RHCE: variants seen among roughly 807,000 people sequenced by gnomAD.
RHCE encodes blood group Rh(CE) polypeptide.
A neutral mutation model predicts 43.8 loss-of-function variants in RHCE; 22 were observed. That is an observed-to-expected ratio of 0.50 (90% confidence interval 0.36 to 0.72). RHCE has a LOEUF of 0.72. RHCE is among the 30% of genes least tolerant of loss of function. RHCE has a pLI of 0.00. For missense variants in RHCE, 385 were observed against 525.4 expected (o/e 0.73, Z 2.61); for synonymous variants, 156 against 210.7 (o/e 0.74, Z 2.25).
intron 7 of RHCE, among the ~76,000 whole-genome samples, chr1:25,380,886 A>G (rs1435450905): frequency 3.7e-5 from 5 of 135,566 alleles, no homozygotes; most frequent in African/African-American, 1.4e-4. Flanking sequence ...ATGTGTACTA[A>G]TTTTCTTTCT....
intron 2 of RHCE, among the ~76,000 whole-genome samples, chr1:25,405,165 C>T (rs2124486596): frequency 1.3e-5 from 2 of 152,080 alleles, no homozygotes; most frequent in African/African-American, 4.8e-5. Context: ...TGAGACCAGC[C>T]TGAGCAACAC....
At chr1:25,368,532 CT>C (rs912701255) in intron 9 of RHCE, among the ~76,000 whole-genome samples, 2 of 148,980 alleles carry the variant, frequency 1.3e-5, no homozygotes, top group African/African-American at 2.5e-5. Flanking sequence ...AACCATTTGT[CT>C]TTTTAACTTT....
At chr1:25,369,567 A>G (rs1393367547) in intron 9 of RHCE, among the ~76,000 whole-genome samples, 4 of 151,290 alleles carry the variant, frequency 2.6e-5, no homozygotes, top group Non-Finnish European at 5.9e-5. Context: ...AACAAATGCT[A>G]CAATGTAACA....
intron 1 of RHCE, among the ~76,000 whole-genome samples, chr1:25,418,980 G>C (rs652475): frequency 2.0e-5 from 3 of 152,182 alleles, no homozygotes; most frequent in African/African-American, 7.2e-5. Flanking sequence ...ATGACTCAAC[G>C]CCACTGTAAA....
chr1:25,423,780 A>C (rs2124556319), upstream of RHCE, among the ~76,000 whole-genome samples: 1 of 152,312 alleles, frequency 6.6e-6, no homozygotes, highest in East Asian at 1.9e-4. Flanking sequence ...GTAAAATGTT[A>C]ATTGTTGATT....
chr1:25,389,252 T>C (rs762254440), intron 5 of RHCE, 139 bp from the exon 6 acceptor site: 39 of 1,452,362 alleles, frequency 2.7e-5, no homozygotes, highest in Non-Finnish European at 3.6e-5. Flanking sequence ...ACCTCTCCCC[T>C]GTGTTGGGGC....
chr1:25,398,938 G>C, intron 3 of RHCE: 1 of 1,044,324 alleles, frequency 9.6e-7, no homozygotes, highest in Non-Finnish European at 1.5e-6. Flanking sequence ...AGGGTTGTCA[G>C]TGTTTTGCTC....
intron 1 of RHCE, chr1:25,411,487 G>T (rs1309048815): frequency 1.3e-6 from 2 of 1,535,520 alleles, no homozygotes; most frequent in African/African-American, 2.8e-5. Context: ...GTCTGCCAGA[G>T]AGGACAAGGG....
chr1:25,412,673 C>CTA (rs1647119354), intron 1 of RHCE, among the ~76,000 whole-genome samples: 1 of 138,608 alleles, frequency 7.2e-6, no homozygotes, highest in Admixed American at 7.9e-5. Flanking sequence ...GATCACATCA[C>CTA]TATACTCCAG....
At chr1:25,423,603 C>T (rs1409434862), upstream of RHCE, among the ~76,000 whole-genome samples, 1 of 152,198 alleles carries the variant, frequency 6.6e-6, no homozygotes, top group Non-Finnish European at 1.5e-5. Flanking sequence ...TGGCCTCTCC[C>T]GACAGATTTC....
chr1:25,410,121 T>A (rs1483757575), intron 1 of RHCE, among the ~76,000 whole-genome samples: 2 of 152,060 alleles, frequency 1.3e-5, no homozygotes, highest in East Asian at 3.9e-4. Context: ...GGTCTCAAAC[T>A]CCTGACCTCA....
chr1:25,378,857 C>A (rs1160116724), intron 7 of RHCE, among the ~76,000 whole-genome samples: 1 of 152,130 alleles, frequency 6.6e-6, no homozygotes, highest in Non-Finnish European at 1.5e-5. Context: ...AAGAAAATGC[C>A]ACTCAGTCAC....
intron 1 of RHCE, chr1:25,411,267 C>A (rs1282273629): frequency 6.5e-7 from 1 of 1,536,708 alleles, no homozygotes. Flanking sequence ...CAGTGCCTAG[C>A]ACATGGAGAA....
chr1:25,376,457 CA>C, intron 7 of RHCE, among the ~76,000 whole-genome samples: 1 of 152,314 alleles, frequency 6.6e-6, no homozygotes, highest in Admixed American at 6.5e-5. Flanking sequence ...AGGAAAGCTC[CA>C]AGCCTGCAGC....
intron 1 of RHCE, among the ~76,000 whole-genome samples, chr1:25,419,386 C>A (rs1477141284): frequency 6.6e-6 from 1 of 152,128 alleles, no homozygotes; most frequent in Non-Finnish European, 1.5e-5. Context: ...GAAGGCTCCT[C>A]TCTGGGCCAG....
At chr1:25,418,187 C>T (rs1399918435) in intron 1 of RHCE, among the ~76,000 whole-genome samples, 26 of 152,174 alleles carry the variant, frequency 1.7e-4, no homozygotes, top group African/African-American at 6.0e-4. Context: ...CCACCACATC[C>T]GGCTAATTTT....
chr1:25,412,718 A>T (rs1328924515), intron 1 of RHCE, among the ~76,000 whole-genome samples: 62 of 127,676 alleles, frequency 4.9e-4, no homozygotes, highest in African/African-American at 2.5e-3. Context: ...CTTTTTTTAA[A>T]AAAAAAAAAA....
rs1267746176 is a variant in RHCE, at chr1:25,416,821, G to GC, written c.148+3817_148+3818insG. 7.1e-4 allele frequency among the ~76,000 whole-genome samples: 105 copies of GC among 147,808 alleles called. 2 individuals are homozygous for GC. The highest frequency in any genetic ancestry group is 3.3e-3 in the East Asian group (17 of 5,132). On this transcript the variant is annotated intron_variant, in intron 1 of 9. Coordinates refer to ENST00000294413, the MANE Select transcript of RHCE (RefSeq NM_020485.8). ...TTTTTTTTTTTTTTTAGAGATGGCG[G>GC]GGGGGGGTCTCCCTATGTTTCCTAG...
chr1:25,385,983 C>G, intron 6 of RHCE, 139 bp from the exon 7 acceptor site: 2 of 1,254,024 alleles, frequency 1.6e-6, no homozygotes, highest in Non-Finnish European at 2.3e-6. Flanking sequence ...CCTTCTCAGA[C>G]TTGAATGTGT....
Sources: allele counts gnomAD v4.1 joint callset (sites outside exome capture counted in the v4.1 genomes callset), GRCh38; gene constraint gnomAD v4.1.1; transcripts MANE v1.5; gene names NCBI Gene and HGNC (gene_info 2026-07-23, HGNC 2026-07-21).